The following MAGI1 variants were observed in gnomAD, a reference collection of about 807,000 sequenced individuals.
MAGI1 encodes membrane-associated guanylate kinase, WW and PDZ domain-containing protein 1.
MAGI1 carries 58 observed loss-of-function variants against 139.9 expected under a neutral mutation model. The ratio of observed to expected loss-of-function variants is 0.41; its 90% confidence interval spans 0.34 to 0.52. MAGI1 has a LOEUF of 0.52. Among genes scored for constraint, MAGI1 ranks in the 20% least tolerant of loss-of-function variants. MAGI1 has a pLI of 0.12. For synonymous variants in MAGI1, 812 were observed against 737.9 expected (o/e 1.10, Z -1.63); for missense variants, 1,874 against 1,901.6 (o/e 0.99, Z 0.27).
chr3:66,008,496 G>C (rs71306793), intron 1 of MAGI1, among the ~76,000 whole-genome samples: 1 of 152,166 alleles, frequency 6.6e-6, no homozygotes, highest in African/African-American at 2.4e-5. Flanking sequence ...ACGCAGCTCA[G>C]AGCTGGGCAT....
chr3:65,688,599 A>G (rs2088282397), intron 1 of MAGI1: 2 of 294,306 alleles, frequency 6.8e-6, no homozygotes, highest in Non-Finnish European at 1.3e-5. Flanking sequence ...AGGAAGGGAA[A>G]TAAACTCTAC....
chr3:65,357,394 A>G (rs1433610231), intron 22 of MAGI1, among the ~76,000 whole-genome samples: 4 of 152,052 alleles, frequency 2.6e-5, no homozygotes, highest in Non-Finnish European at 4.4e-5. Context: ...ACTGACAAAA[A>G]TCAGTCATGA....
chr3:65,636,487 A>G (rs2084625201), intron 1 of MAGI1, among the ~76,000 whole-genome samples: 1 of 152,200 alleles, frequency 6.6e-6, no homozygotes, highest in Non-Finnish European at 1.5e-5. Flanking sequence ...TTCAGTAATT[A>G]GGACACTCAC....
chr3:65,480,237 A>G (rs1056281356), intron 3 of MAGI1, among the ~76,000 whole-genome samples: 1 of 151,962 alleles, frequency 6.6e-6, no homozygotes, highest in Non-Finnish European at 1.5e-5. Flanking sequence ...CAGATAATAA[A>G]GAATTTGCTT....
At chr3:65,975,856 T>C (rs1480093515) in intron 1 of MAGI1, among the ~76,000 whole-genome samples, 1 of 152,156 alleles carries the variant, frequency 6.6e-6, no homozygotes. Context: ...TTCTTCCTTA[T>C]GTAAGATGCT....
chr3:65,666,407 T>C (rs2086528402), intron 1 of MAGI1, among the ~76,000 whole-genome samples: 1 of 152,196 alleles, frequency 6.6e-6, no homozygotes, highest in Non-Finnish European at 1.5e-5. Context: ...TTCTCTCCAG[T>C]ATAGAATTCT....
At chr3:65,655,772 A>C (rs2085840381) in intron 1 of MAGI1, among the ~76,000 whole-genome samples, 1 of 152,204 alleles carries the variant, frequency 6.6e-6, no homozygotes, top group Admixed American at 6.5e-5. Flanking sequence ...ATTGGATTTG[A>C]ACTTGAATGC....
chr3:65,867,104 G>C (rs1418041496), intron 1 of MAGI1, among the ~76,000 whole-genome samples: 2 of 152,168 alleles, frequency 1.3e-5, no homozygotes, highest in African/African-American at 4.8e-5. Flanking sequence ...AGACCATTAA[G>C]AACATGTCTC....
At chr3:65,981,685 C>T (rs538631231) in intron 1 of MAGI1, among the ~76,000 whole-genome samples, 1 of 152,198 alleles carries the variant, frequency 6.6e-6, no homozygotes, top group African/African-American at 2.4e-5. Flanking sequence ...GTGGTTTCCC[C>T]CATATTGCTC....
rs74819286 is a variant in MAGI1, at chr3:65,745,571, C to T, written c.314-123483G>A. ...AAGTCCCTTAGGAAACCAGGCAGAA[C>T]CAAATGTAATTCCTTACCTGAAAAA... On this transcript the variant is annotated intron_variant, in intron 1 of 22. Transcript: ENST00000402939. Among the ~76,000 whole-genome samples, 1,335 of 152,298 alleles carry T rather than the reference C, an allele frequency of 8.8e-3. 20 individuals carry two copies. The highest frequency in any genetic ancestry group is 0.029 in the African/African-American group (1,196 of 41,554).
At chr3:65,638,127 G>C (rs1559744117) in intron 1 of MAGI1, among the ~76,000 whole-genome samples, 1 of 152,076 alleles carries the variant, frequency 6.6e-6, no homozygotes, top group South Asian at 2.1e-4. Flanking sequence ...GTGTTCTTGG[G>C]CAACTTACTT....
chr3:65,704,714 C>G (rs750461177), intron 1 of MAGI1, among the ~76,000 whole-genome samples: 3 of 151,912 alleles, frequency 2.0e-5, no homozygotes, highest in Non-Finnish European at 4.4e-5. Flanking sequence ...TGTGTGCATT[C>G]AAGTGCATGA....
chr3:65,520,017 G>A (rs1445048354), intron 2 of MAGI1, among the ~76,000 whole-genome samples: 2 of 152,140 alleles, frequency 1.3e-5, no homozygotes, highest in East Asian at 3.9e-4. Context: ...GAAAGCTGGA[G>A]AGACCCACAA....
chr3:65,484,053 G>A (rs1329519106), intron 3 of MAGI1, among the ~76,000 whole-genome samples: 1 of 152,118 alleles, frequency 6.6e-6, no homozygotes, highest in Non-Finnish European at 1.5e-5. Context: ...GAAATACAAA[G>A]TAAAAATTGG....
chr3:65,478,408 G>A (rs1171591888), intron 4 of MAGI1, among the ~76,000 whole-genome samples, 184 bp downstream of exon 4: 1 of 152,116 alleles, frequency 6.6e-6, no homozygotes, highest in African/African-American at 2.4e-5. Flanking sequence ...TTCTTGTAAA[G>A]GGGCATGAAA....
intron 1 of MAGI1, among the ~76,000 whole-genome samples, chr3:65,838,960 C>A (rs1051579181): frequency 1.7e-4 from 26 of 152,156 alleles, no homozygotes; most frequent in African/African-American, 6.3e-4. Context: ...ATTTGCATTT[C>A]CCTAATGGTT....
chr3:65,830,899 T>C (rs139435953), intron 1 of MAGI1, among the ~76,000 whole-genome samples: 10 of 152,176 alleles, frequency 6.6e-5, no homozygotes, highest in Non-Finnish European at 1.0e-4. Context: ...CATGCAAAAC[T>C]ATGGAGAGGG....
chr3:65,713,214 C>T (rs1030413844), intron 1 of MAGI1, among the ~76,000 whole-genome samples: 2 of 152,142 alleles, frequency 1.3e-5, no homozygotes, highest in African/African-American at 4.8e-5. Context: ...TGCAACATCA[C>T]CCTGTCTTCT....
chr3:65,908,807 T>C (rs963510228), intron 1 of MAGI1, among the ~76,000 whole-genome samples: 1 of 152,140 alleles, frequency 6.6e-6, no homozygotes, highest in Non-Finnish European at 1.5e-5. Context: ...GCATGCCTTA[T>C]CATTAGAGGA....
Sources: allele counts gnomAD v4.1 joint callset (sites outside exome capture counted in the v4.1 genomes callset), GRCh38; gene constraint gnomAD v4.1.1; transcripts MANE v1.5; gene names NCBI Gene and HGNC (gene_info 2026-07-23, HGNC 2026-07-21).